Variants in ESRRG observed in about 807,000 individuals in gnomAD.
ESRRG encodes the protein estrogen-related receptor gamma.
ESRRG carries 13 observed loss-of-function variants against 44.0 expected under a neutral mutation model. The observed-to-expected ratio is 0.30, with a 90% CI of 0.19 to 0.47. The LOEUF is 0.47. Ranked by LOEUF, ESRRG falls within the 20% of genes least tolerant of loss-of-function variation. The probability of loss-of-function intolerance (pLI) is 1.00; values close to 1 mark genes in which losing one functional copy is unlikely to be tolerated. For missense variants in ESRRG, 395 were observed against 580.6 expected, an observed-to-expected ratio of 0.68 and a Z score of 3.29; for synonymous variants, 215 against 214.6, an observed-to-expected ratio of 1.00 and a Z score of -0.02.
chr1:216,629,065 C>G (rs1304533893), intron 3 of ESRRG, among the ~76,000 whole-genome samples: 2 of 152,222 alleles, frequency 1.3e-5, no homozygotes, highest in African/African-American at 4.8e-5. Context: ...AAGACTAGGA[C>G]AGATGCCCTT....
chr1:217,117,568 G>A (rs1409718355), intron 1 of ESRRG, among the ~76,000 whole-genome samples: 1 of 152,104 alleles, frequency 6.6e-6, no homozygotes, highest in African/African-American at 2.4e-5. Flanking sequence ...CTGGATGACA[G>A]AGCGAGACCC....
chr1:216,589,141 G>A (rs548062234), intron 3 of ESRRG, among the ~76,000 whole-genome samples: 23 of 152,198 alleles, frequency 1.5e-4, no homozygotes, highest in South Asian at 1.2e-3. Context: ...TGTATTGCAC[G>A]GACCTCAAAA....
chr1:216,865,277 G>A (rs1360181676), intron 2 of ESRRG: 1 of 147,102 alleles, frequency 6.8e-6, no homozygotes, highest in African/African-American at 2.6e-5. Flanking sequence ...AGATTTTGTA[G>A]CACCTCAGAA....
intron 6 of ESRRG, among the ~76,000 whole-genome samples, chr1:216,509,089 T>C (rs957137634): frequency 3.9e-5 from 6 of 152,202 alleles, no homozygotes; most frequent in Non-Finnish European, 8.8e-5. Flanking sequence ...GAACATGGCC[T>C]CATTTTACCT....
At chr1:216,969,272 A>G (rs893541645) in intron 1 of ESRRG, among the ~76,000 whole-genome samples, 2 of 152,226 alleles carry the variant, frequency 1.3e-5, no homozygotes, top group Non-Finnish European at 2.9e-5. Context: ...ATCTGATATT[A>G]GTAACCCACT....
At chr1:216,872,806 AT>A (rs2096276784) in intron 2 of ESRRG, among the ~76,000 whole-genome samples, 1 of 152,166 alleles carries the variant, frequency 6.6e-6, no homozygotes, top group African/African-American at 2.4e-5. Flanking sequence ...AAACATCCGT[AT>A]CTGTTCATTG....
At chr1:216,658,977 C>T (rs141062840) in intron 2 of ESRRG, among the ~76,000 whole-genome samples, 347 of 152,226 alleles carry the variant, frequency 2.3e-3, no homozygotes, top group African/African-American at 7.9e-3. Context: ...TCCAGCTCTA[C>T]CATGTTATTG....
Position 216,577,777 on chromosome 1 carries a change from T to TA in ESRRG, c.590-9680dup, listed in dbSNP as rs1007130187. Among the ~76,000 whole-genome samples, 43 of 151,474 alleles carry TA rather than the reference T, an allele frequency of 2.8e-4. 1 individual carries two copies. The East Asian group carries it at 2.9e-3, about 10-fold the overall frequency. ...CATGGATTTAAAATATAGATTTTTT[T>TA]AAAAAAAAAGGAAATAGATGGCAGA... On this transcript the variant is annotated intron_variant, in intron 3 of 6. Transcript: ENST00000408911.
At chr1:216,712,972 C>A (rs151238624) in intron 1 of ESRRG, among the ~76,000 whole-genome samples, 1 of 152,188 alleles carries the variant, frequency 6.6e-6, no homozygotes, top group Admixed American at 6.5e-5. Flanking sequence ...AAGCTGAACG[C>A]TTTGTCAATT....
chr1:216,595,755 T>C (rs1055570520), intron 3 of ESRRG, among the ~76,000 whole-genome samples: 3 of 152,216 alleles, frequency 2.0e-5, no homozygotes, highest in African/African-American at 4.8e-5. Context: ...ATGCTTAAAC[T>C]CCCTCAAAGA....
In ESRRG at chr1:216,748,654, A is replaced by AT. The variant is rs575136928; in HGVS notation, c.-13-71164dup. 9.2e-5 allele frequency among the ~76,000 whole-genome samples: 14 copies of AT among 152,220 alleles called. No individual in the cohort carries two copies. The East Asian group carries it at 2.3e-3, about 25-fold the overall frequency. On this transcript the variant is annotated intron_variant, in intron 2 of 7. Transcript: ENST00000359162. ...ACATTTTGCCAATACACAAATTCTG[A>AT]TTTTTTTGTGGGGAATATAAGTCAT...
upstream of ESRRG, among the ~76,000 whole-genome samples, chr1:217,090,169 G>A (rs568269346): frequency 1.3e-5 from 2 of 152,148 alleles, no homozygotes; most frequent in African/African-American, 2.4e-5. Flanking sequence ...TCCTGCCGCC[G>A]CCGCAGCCGC....
At chr1:217,029,869 C>T (rs934126250) in intron 1 of ESRRG, among the ~76,000 whole-genome samples, 8 of 152,174 alleles carry the variant, frequency 5.3e-5, no homozygotes, top group Non-Finnish European at 1.0e-4. Flanking sequence ...TAAGGAAAGG[C>T]GCGGGTTTGA....
chr1:217,085,107 A>ACCCATTACAACAGG, intron 1 of ESRRG, among the ~76,000 whole-genome samples: 1 of 152,024 alleles, frequency 6.6e-6, no homozygotes, highest in African/African-American at 2.4e-5. Context: ...TTGTGAATCA[A>ACCCATTACAACAGG]GGATGAGTAA....
intron 3 of ESRRG, among the ~76,000 whole-genome samples, chr1:216,625,289 C>A (rs981260430): frequency 3.3e-5 from 5 of 152,082 alleles, no homozygotes; most frequent in Admixed American, 3.3e-4. Flanking sequence ...ACTACCACAT[C>A]TATTCTAATG....
At chr1:216,623,145 C>T (rs546844980) in intron 3 of ESRRG, among the ~76,000 whole-genome samples, 1 of 143,066 alleles carries the variant, frequency 7.0e-6, no homozygotes. Context: ...TGCAGTGCCG[C>T]GATCTCGGCT....
At chr1:216,969,128 C>T (rs1189193871) in intron 1 of ESRRG, among the ~76,000 whole-genome samples, 1 of 152,104 alleles carries the variant, frequency 6.6e-6, no homozygotes, top group Non-Finnish European at 1.5e-5. Context: ...CATGCATTTA[C>T]TTAACAAATA....
chr1:216,552,970 A>G (rs1466410796), intron 5 of ESRRG, among the ~76,000 whole-genome samples: 1 of 152,186 alleles, frequency 6.6e-6, no homozygotes, highest in Non-Finnish European at 1.5e-5. Context: ...TTTCCGCAAA[A>G]GATGAATTTA....
intron 1 of ESRRG, among the ~76,000 whole-genome samples, chr1:217,135,101 A>C (rs370182222): frequency 6.6e-6 from 1 of 152,198 alleles, no homozygotes; most frequent in Admixed American, 6.5e-5. Flanking sequence ...CCAAATGGCC[A>C]GGCTTCCTGG....
Sources: gnomAD v4.1 joint callset for allele counts (sites outside exome capture counted in the v4.1 genomes callset) on GRCh38, gnomAD v4.1.1 for gene constraint, MANE v1.5 for transcripts, NCBI Gene and HGNC (gene_info 2026-07-23, HGNC 2026-07-21) for gene names.